BRAT1: variants seen among roughly 807,000 people sequenced by gnomAD.
BRAT1 encodes the protein integrator complex assembly factor BRAT1.
In BRAT1, 74 loss-of-function variants were observed where a neutral mutation model predicts 70.6. That is an observed-to-expected ratio of 1.05 (90% confidence interval 0.87 to 1.27). The LOEUF (loss-of-function observed/expected upper bound fraction) is 1.27. Ranked by LOEUF, BRAT1 falls within the 50% of genes most tolerant of loss-of-function variation. The pLI, the probability that BRAT1 is intolerant of heterozygous loss-of-function variation, is 0.00. For synonymous variants in BRAT1, 615 were observed against 517.1 expected (o/e 1.19, Z -2.57); for missense variants, 1,203 against 1,098.2 (o/e 1.10, Z -1.35).
rs1176065796 is a variant in BRAT1, at chr7:2,543,200, A to G, written c.923+4T>C. The G allele has an allele frequency of 4.4e-6, 7 of 1,601,216 alleles. No individual in the cohort carries two copies. Among genetic ancestry groups the G allele is most frequent in the Non-Finnish European group, 6.0e-6 (7 of 1,174,166 alleles). On this transcript the variant is annotated splice_donor_region_variant and intron_variant, in intron 6 of 13. Coordinates refer to ENST00000340611, the MANE Select transcript of BRAT1 (RefSeq NM_152743.4). This position sits in a 1 kb window ranked among gnomAD's most constrained non-coding sequence, Gnocchi z 5.5. ...CTCGGAATGAAATGCACCCCAGACCATACCAGTGCTCGAGCTTCAGGATCC... is the reference window on the plus strand; with the variant it reads ...CTCGGAATGAAATGCACCCCAGACCGTACCAGTGCTCGAGCTTCAGGATCC...
At chr7:2,539,130 C>T (rs759737259) in intron 13 of BRAT1, 49 bp downstream of exon 13, 1 of 1,555,496 alleles carries the variant, frequency 6.4e-7, no homozygotes, top group Non-Finnish European at 8.7e-7. Context: ...AACGAGCACA[C>T]ACGATGGCCA....
rs374233073 is a variant in BRAT1 at position 2,539,838 on chromosome 7, G to A, written c.1446C>T (p.Pro482=). ...QATLRWLLSS[P]KTPGCSDLGP... The stretch of plus-strand genomic sequence containing the variant: ...CGAGATCAGAGCAGCCGGGGGTCTT[G>A]GGTGAGCTCAGGAGCCACCTGAGCG... The change falls in exon 11 of 14, where the codon CCC becomes CCT. Residue 482 remains proline (P), a synonymous_variant. Transcript: ENST00000340611. 1.2e-6 allele frequency: 2 copies of A among 1,608,698 alleles called. No individual in the cohort carries two copies. The highest frequency in any genetic ancestry group is 1.3e-5 in the African/African-American group (1 of 74,820).
chr7:2,539,518 C>T (rs758539173), intron 12 of BRAT1, 26 bp downstream of exon 12: 5 of 1,532,452 alleles, frequency 3.3e-6, no homozygotes, highest in South Asian at 2.4e-5. Flanking sequence ...GCGGGGAAGG[C>T]AGCCCCTCCA....
rs763369342 is a variant in BRAT1, at chr7:2,538,643, G to A, written c.1892C>T (p.Thr631Met). Residue 631 changes from threonine (T) to methionine (M), a missense_variant, in exon 14 of 14, where the codon ACG becomes ATG. Transcript: ENST00000340611. ...CAGCACAGTGGCCACGAACTGCTCC[G>A]TGTCCTGGGCCGCGTCGGCGTGGCC... ...RDGHADAAQD[T>M]EQFVATVLQA... 66 of 1,598,368 alleles carry A rather than the reference G, an allele frequency of 4.1e-5. No individual in the cohort carries two copies. Among genetic ancestry groups the A allele is most frequent in the Non-Finnish European group, 5.0e-5 (59 of 1,179,602 alleles).
chr7:2,552,354 G>A (rs940292504), intron 2 of BRAT1, among the ~76,000 whole-genome samples: 1 of 151,096 alleles, frequency 6.6e-6, no homozygotes, highest in Non-Finnish European at 1.5e-5. Flanking sequence ...CTGACCTCAA[G>A]TGATCTGCCT....
chr7:2,545,449 A>G (rs549751525), intron 3 of BRAT1, among the ~76,000 whole-genome samples: 1 of 144,724 alleles, frequency 6.9e-6, no homozygotes, highest in East Asian at 2.2e-4. Context: ...ATGGGTTTTC[A>G]GTTTTCCAGG....
intron 2 of BRAT1, among the ~76,000 whole-genome samples, chr7:2,547,794 A>G (rs1779724227): frequency 6.6e-6 from 1 of 152,212 alleles, no homozygotes; most frequent in Admixed American, 6.5e-5. Context: ...AATTAAAGTG[A>G]AAGACCAGGC....
At chr7:2,553,882 A>C (rs1378159136) in intron 2 of BRAT1, among the ~76,000 whole-genome samples, 1 of 151,714 alleles carries the variant, frequency 6.6e-6, no homozygotes, top group Non-Finnish European at 1.5e-5. Context: ...CCTGGACTTA[A>C]GCAATCCGCT....
intron 2 of BRAT1, among the ~76,000 whole-genome samples, chr7:2,549,459 G>T (rs567340884): frequency 6.6e-6 from 1 of 151,620 alleles, no homozygotes; most frequent in East Asian, 1.9e-4. Flanking sequence ...AACAGCACAA[G>T]AACTTGTCTA....
intron 2 of BRAT1, among the ~76,000 whole-genome samples, chr7:2,551,269 A>G (rs188426341): frequency 9.5e-4 from 142 of 150,002 alleles, no homozygotes; most frequent in African/African-American, 2.4e-3. Context: ...ATCTATATAT[A>G]TATCTATATA....
At chr7:2,542,320 C>G in intron 6 of BRAT1, 109 bp from the exon 7 acceptor site, 2 of 902,432 alleles carry the variant, frequency 2.2e-6, no homozygotes, top group Non-Finnish European at 3.5e-6. Flanking sequence ...GGTTGGGACA[C>G]CCCCCGAGAA....
intron 6 of BRAT1, chr7:2,542,574 C>A: frequency 3.6e-6 from 1 of 281,390 alleles, no homozygotes; most frequent in Non-Finnish European, 6.8e-6. Flanking sequence ...CACGTCTGGG[C>A]CTAGGTGGAG....
rs1289177803 is a variant in BRAT1, at chr7:2,541,842, G to T, written c.1016-6C>A. 6.2e-7 allele frequency: 1 copy of T among 1,612,522 alleles called. No homozygotes were observed. Among genetic ancestry groups the T allele is most frequent in the African/African-American group, 1.3e-5 (1 of 75,030 alleles). ...TGCCGTCCCGTCCAGCAAGCCTGGG[G>T]GCCAAGCCAGGAAGAGCTCCCTTAG... On this transcript the variant is annotated splice_region_variant and splice_polypyrimidine_tract_variant and intron_variant, in intron 7 of 13. Transcript: ENST00000340611.
chr7:2,554,217 G>C, intron 2 of BRAT1, 88 bp downstream of exon 2: 1 of 1,540,196 alleles, frequency 6.5e-7, no homozygotes, highest in Non-Finnish European at 8.8e-7. Flanking sequence ...CTCCAGGACA[G>C]GGGAGTCCCC....
Position 2,547,398 on chromosome 7 carries a change from A to C in BRAT1, c.208T>G (p.Ser70Ala). 6.2e-7 allele frequency: 1 copy of C among 1,614,098 alleles called. No homozygotes were observed. The highest frequency in any genetic ancestry group is 8.5e-7 in the Non-Finnish European group (1 of 1,180,016). The part of the protein sequence containing the change: ...SHVLKVQDLS[S>A]GVLSFSLRLA... ...CGCAGTGAGAAGGAGAGGACCCCAG[A>C]ACTCAGGTCCTGGACTTTCAGCACA... The change falls in exon 3 of 14, where the codon TCT becomes GCT. Residue 70 changes from serine (S) to alanine (A), a missense_variant. Ser to Ala is a moderately conservative substitution (Grantham distance 99). Coordinates refer to ENST00000340611, the MANE Select transcript of BRAT1 (RefSeq NM_152743.4).
chr7:2,543,224 C>G lies in BRAT1; in HGVS notation c.903G>C (p.Gly301=). 1 of 1,608,250 alleles carries G rather than the reference C, an allele frequency of 6.2e-7. No homozygotes were observed. The highest frequency in any genetic ancestry group is 8.5e-7 in the Non-Finnish European group (1 of 1,177,450). ...CATACCAGTGCTCGAGCTTCAGGAT[C>G]CCCAAAGCCAGGGGTCCCATGTGGG... ...GPTHMGPLAL[G]ILKLEHCPQA... Residue 301 remains glycine (G), a synonymous_variant, in exon 6 of 14, where the codon GGG becomes GGC. Transcript: ENST00000340611. This position sits in a 1 kb window ranked among gnomAD's most constrained non-coding sequence, Gnocchi z 5.5.
At chr7:2,540,738 A>T in intron 10 of BRAT1, 1 of 424,584 alleles carries the variant, frequency 2.4e-6, no homozygotes, top group Non-Finnish European at 4.1e-6. Context: ...AGGCCGCCTG[A>T]CCAGTGCCCC....
Position 2,539,849 on chromosome 7 carries a change from G to C in BRAT1, c.1435C>G (p.Leu479Val), listed in dbSNP as rs1562569671. 1 of 1,602,464 alleles carries C rather than the reference G, an allele frequency of 6.2e-7. No individual in the cohort carries two copies. Among genetic ancestry groups the C allele is most frequent in the Non-Finnish European group, 8.5e-7 (1 of 1,175,432 alleles). ...KAFQATLRWL[L>V]SSPKTPGCSD... ...CAGCCGGGGGTCTTGGGTGAGCTCA[G>C]GAGCCACCTGAGCGTGGCCTGGAAG... is the stretch of plus-strand genomic sequence containing the variant. The change falls in exon 11 of 14, where the codon CTG becomes GTG. Residue 479 changes from leucine to valine, a missense_variant. By Grantham distance (32) the Leu-to-Val change is conservative. Transcript: ENST00000340611.
chr7:2,542,926 G>GATT, intron 6 of BRAT1: 1 of 240,366 alleles, frequency 4.2e-6, no homozygotes, highest in Non-Finnish European at 8.0e-6. Context: ...GGAGCGCAGG[G>GATT]CGTCGGCAGG....
Sources: allele counts gnomAD v4.1 joint callset (sites outside exome capture counted in the v4.1 genomes callset), GRCh38; gene constraint gnomAD v4.1.1; non-coding constraint Gnocchi (gnomAD v3.1); transcripts MANE v1.5; gene names NCBI Gene and HGNC (gene_info 2026-07-23, HGNC 2026-07-21).